CAPN2: variants seen among roughly 807,000 people sequenced by gnomAD.
CAPN2 encodes the protein calpain 2.
In CAPN2, 92 loss-of-function variants were observed where a neutral mutation model predicts 102.3. That is an observed-to-expected ratio of 0.90 (90% CI 0.76 to 1.07). The LOEUF (loss-of-function observed/expected upper bound fraction) is 1.07, where lower values mean the gene tolerates loss of function less well. Ranked by LOEUF, CAPN2 falls within the 50% of genes least tolerant of loss-of-function variation. The probability of loss-of-function intolerance (pLI) is 0.00; values close to 1 mark genes in which losing one functional copy is unlikely to be tolerated. For missense variants in CAPN2, 800 were observed against 909.4 expected, an observed-to-expected ratio of 0.88 and a Z score of 1.55; for synonymous variants, 340 against 355.4, an observed-to-expected ratio of 0.96 and a Z score of 0.49.
intron 2 of CAPN2, among the ~76,000 whole-genome samples, chr1:223,733,600 G>A (rs760421486): frequency 7.2e-5 from 11 of 152,202 alleles, no homozygotes; most frequent in Non-Finnish European, 1.5e-4. Flanking sequence ...TGTGCTCTCC[G>A]TGGGTCCCCA....
At chr1:223,757,216 G>A (rs1014886361) in intron 10 of CAPN2, among the ~76,000 whole-genome samples, 153 bp from the exon 11 acceptor site, 2 of 152,206 alleles carry the variant, frequency 1.3e-5, no homozygotes, top group Non-Finnish European at 2.9e-5. Flanking sequence ...TGTTGGAGAG[G>A]CTTTGAGTTC....
intron 4 of CAPN2, among the ~76,000 whole-genome samples, chr1:223,745,649 G>C (rs1360980153): frequency 1.3e-5 from 2 of 152,242 alleles, no homozygotes; most frequent in African/African-American, 4.8e-5. Context: ...GGACTACTTT[G>C]AGTGGGAAGT....
chr1:223,717,663 G>A (rs1659912870), intron 1 of CAPN2, 99 bp from the exon 2 acceptor site: 2 of 883,596 alleles, frequency 2.3e-6, no homozygotes, highest in Admixed American at 3.8e-5. Context: ...GGAGGGGAAG[G>A]GGAGAAGGGG....
In CAPN2 at chr1:223,759,395, G is replaced by A; in HGVS notation, c.1443G>A (p.Glu481=). 1 of 1,614,216 alleles carries A rather than the reference G, an allele frequency of 6.2e-7. No individual in the cohort carries two copies. The highest frequency in any genetic ancestry group is 8.5e-7 in the Non-Finnish European group (1 of 1,180,046). Residue 481 remains glutamate (E), a synonymous_variant, in exon 12 of 21, where the codon GAG becomes GAA. Transcript: ENST00000295006. This position sits in a 1 kb window ranked among gnomAD's most constrained non-coding sequence, Gnocchi z 4.6. ...ACCGCTTCAAGCTGCCGCCAGGAGA[G>A]TACATTCTCGTGCCTTCCACCTTCG... is the stretch of plus-strand genomic sequence containing the variant. ...VLNRFKLPPG[E]YILVPSTFEP... is the part of the protein sequence containing the mutation.
intron 6 of CAPN2, 106 bp downstream of exon 6, chr1:223,749,228 G>A (rs1299610584): frequency 2.0e-5 from 19 of 936,804 alleles, no homozygotes; most frequent in African/African-American, 4.9e-5. Context: ...CGGTGGTCCA[G>A]TTTACACTCG....
chr1:223,753,064 C>A, intron 9 of CAPN2, 108 bp downstream of exon 9: 1 of 995,750 alleles, frequency 1.0e-6, no homozygotes, highest in Non-Finnish European at 1.5e-6. Flanking sequence ...CCCCAGGAGG[C>A]AGCTCCTGCT....
chr1:223,766,415 T>C lies in CAPN2; in HGVS notation c.1739T>C (p.Met580Thr), dbSNP rs747934987. 36 of 1,613,152 alleles carry C rather than the reference T, an allele frequency of 2.2e-5. No homozygotes were observed. Among genetic ancestry groups the C allele is most frequent in the Non-Finnish European group, 3.1e-5 (36 of 1,179,038 alleles). Residue 580 changes from methionine (M) to threonine (T), a missense_variant, in exon 16 of 21, where the codon ATG (methionine) becomes ACG (threonine). Met to Thr is a moderately conservative substitution (Grantham distance 81). Transcript: ENST00000295006. ...DGFSIETCKI[M>T]VDMLDSDGSG... The stretch of plus-strand genomic sequence containing the variant: ...TTCAGCATCGAGACATGCAAAATTA[T>C]GGTTGACATGCTAGATGTATCCTTT...
chr1:223,741,096 G>A lies in CAPN2; in HGVS notation c.308-3004G>A, dbSNP rs576593908. Among the ~76,000 whole-genome samples the A allele has an allele frequency of 1.3e-4, 20 of 152,310 alleles. No individual in the cohort carries two copies. The South Asian group carries it at 4.1e-3, about 32-fold the overall frequency. On this transcript the variant is annotated intron_variant, in intron 2 of 20. Coordinates refer to ENST00000295006, the MANE Select transcript of CAPN2 (RefSeq NM_001748.5). ...AGGAAATGAGATAACATGATAATGT[G>A]CATAAGGCTTTTAGCTCGGGGCCTG... is the stretch of plus-strand genomic sequence containing the variant.
At chr1:223,762,398 G>T in intron 14 of CAPN2, 147 bp downstream of exon 14, 1 of 670,164 alleles carries the variant, frequency 1.5e-6, no homozygotes, top group Middle Eastern at 2.5e-4. Flanking sequence ...TTGGGTTCCA[G>T]CTCAGCCCTC....
At chr1:223,702,068 A>AGGGAGGGAGGGG (rs1659489674) in intron 1 of CAPN2, among the ~76,000 whole-genome samples, 1 of 10,976 alleles carries the variant, frequency 9.1e-5, no homozygotes, top group Non-Finnish European at 1.7e-4. Context: ...GAAGGAAGGG[A>AGGGAGGGAGGGG]GGGAGGGAGG....
chr1:223,751,019 G>A (rs1462978374), intron 7 of CAPN2, 44 bp downstream of exon 7: 17 of 1,435,924 alleles, frequency 1.2e-5, no homozygotes, highest in Non-Finnish European at 1.6e-5. Flanking sequence ...GGGGTGCATT[G>A]TGCTGGGAGG....
At chr1:223,753,843 G>A (rs1356267114) in intron 9 of CAPN2, among the ~76,000 whole-genome samples, 2 of 152,140 alleles carry the variant, frequency 1.3e-5, no homozygotes, top group African/African-American at 4.8e-5. Flanking sequence ...AATGAGTTTT[G>A]TCATTAGACT....
intron 1 of CAPN2, among the ~76,000 whole-genome samples, chr1:223,706,443 T>C (rs1016059553): frequency 2.0e-5 from 3 of 152,172 alleles, no homozygotes; most frequent in South Asian, 2.1e-4. Context: ...TTCTCTGTGA[T>C]CTCCTTTGGA....
intron 16 of CAPN2, among the ~76,000 whole-genome samples, chr1:223,768,041 GT>G (rs1249833425): frequency 6.6e-6 from 1 of 150,766 alleles, no homozygotes; most frequent in African/African-American, 2.4e-5. Flanking sequence ...GGGGTTGTTT[GT>G]TTTTTTCTTG....
chr1:223,773,998 A>C (rs1042409220), intron 20 of CAPN2, among the ~76,000 whole-genome samples: 1 of 152,108 alleles, frequency 6.6e-6, no homozygotes, highest in Non-Finnish European at 1.5e-5. Context: ...TCCCCACTAC[A>C]TTCCATCTTG....
intron 7 of CAPN2, among the ~76,000 whole-genome samples, chr1:223,751,296 C>T (rs1660891099): frequency 6.6e-6 from 1 of 152,212 alleles, no homozygotes; most frequent in Admixed American, 6.5e-5. Context: ...ATACACCCCA[C>T]CTTCCCCCAG....
Position 223,753,027 on chromosome 1 carries a change from C to G in CAPN2, c.1135+71C>G, listed in dbSNP as rs920269736. 8 of 1,450,502 alleles carry G rather than the reference C, an allele frequency of 5.5e-6. No individual in the cohort carries two copies. The Admixed American group carries it at 1.4e-4, about 25-fold the overall frequency. 89.9% of individuals were successfully genotyped at this position (1,450,502 alleles called of 1,614,324 possible). A position where few individuals can be genotyped will look rare whatever the true frequency, so the allele number is the denominator to read the frequency against. ...AAGGCCAAAGCTCCCCTTACCCCAC[C>G]CTGTGTACCACACCCCAGCCTAGCA... On this transcript the variant is annotated intron_variant, in intron 9 of 20. Coordinates refer to ENST00000295006, the MANE Select transcript of CAPN2 (RefSeq NM_001748.5).
At chr1:223,769,789 A>G in intron 16 of CAPN2, 52 bp from the exon 17 acceptor site, 1 of 1,349,076 alleles carries the variant, frequency 7.4e-7, no homozygotes, top group Non-Finnish European at 1.0e-6. Context: ...AAACTAGGTG[A>G]CACTATGTGC....
At position 223,731,638 on chromosome 1, in the gene CAPN2, G is replaced by A. The variant is rs149325031; in HGVS notation, c.308-12462G>A. Among the ~76,000 whole-genome samples the A allele has an allele frequency of 3.4e-3, 523 of 152,310 alleles. 3 individuals are homozygous for A. Among genetic ancestry groups the A allele is most frequent in the African/African-American group, 0.011 (466 of 41,558 alleles). On this transcript the variant is annotated intron_variant, in intron 2 of 20. Transcript: ENST00000295006. This position sits in a 1 kb window ranked among gnomAD's most constrained non-coding sequence, Gnocchi z 4.2. The stretch of plus-strand genomic sequence containing the variant: ...TCTAGACTGAGTACAGGCCTGGCAC[G>A]GAGCCAGGAATGCACCAACAAGGAG...
Sources: gnomAD v4.1 joint callset for allele counts (sites outside exome capture counted in the v4.1 genomes callset) on GRCh38, gnomAD v4.1.1 for gene constraint, Gnocchi (gnomAD v3.1) non-coding constraint, MANE v1.5 for transcripts, NCBI Gene and HGNC (gene_info 2026-07-23, HGNC 2026-07-21) for gene names.